Variants in ADGRL2 observed in about 807,000 individuals in gnomAD.
ADGRL2 encodes calcium-independent alpha-latrotoxin receptor 2.
In ADGRL2, 44 loss-of-function variants were observed where a neutral mutation model predicts 157.4. The ratio of observed to expected loss-of-function variants is 0.28; its 90% CI spans 0.22 to 0.36. The LOEUF (loss-of-function observed/expected upper bound fraction) is 0.36. Ranked by LOEUF, ADGRL2 falls within the 10% of genes least tolerant of loss-of-function variation. ADGRL2 has a pLI of 1.00. For missense variants in ADGRL2, 1,510 were observed against 1,768.9 expected, an observed-to-expected ratio of 0.85 and a Z score of 2.63; for synonymous variants, 585 against 624.7, an observed-to-expected ratio of 0.94 and a Z score of 0.95.
chr1:81,426,104 A>G (rs1162695242), intron 1 of ADGRL2, among the ~76,000 whole-genome samples: 2 of 152,222 alleles, frequency 1.3e-5, no homozygotes, highest in Non-Finnish European at 2.9e-5. Context: ...CCCAAGGAAA[A>G]CAGCGTATTT....
intron 1 of ADGRL2, among the ~76,000 whole-genome samples, chr1:81,703,251 G>A (rs1234555482): frequency 1.3e-5 from 2 of 152,316 alleles, no homozygotes; most frequent in Admixed American, 6.5e-5. Flanking sequence ...AAAGTGAAGC[G>A]GGAGAAGTAA....
At chr1:81,972,643 G>T (rs987623566) in intron 17 of ADGRL2, among the ~76,000 whole-genome samples, 1 of 152,076 alleles carries the variant, frequency 6.6e-6, no homozygotes, top group Admixed American at 6.5e-5. Flanking sequence ...GGACATGGTG[G>T]CTCACACCTA....
chr1:81,869,715 AT>A (rs534865106), intron 2 of ADGRL2, among the ~76,000 whole-genome samples: 2,848 of 152,028 alleles, frequency 0.019, 78 homozygotes, highest in African/African-American at 0.065. Context: ...TAAAAAAAAA[AT>A]ATAATTTGTG....
At chr1:81,411,946 G>C (rs917836549) in intron 1 of ADGRL2, among the ~76,000 whole-genome samples, 7 of 151,460 alleles carry the variant, frequency 4.6e-5, no homozygotes, top group Admixed American at 2.0e-4. Flanking sequence ...AATGTAGTAA[G>C]TCTCAGATTC....
chr1:81,837,927 C>T (rs1439245941), intron 2 of ADGRL2, among the ~76,000 whole-genome samples: 1 of 151,762 alleles, frequency 6.6e-6, no homozygotes, highest in African/African-American at 2.4e-5. Flanking sequence ...ATGTATTAAT[C>T]TTGTAAAGTT....
At chr1:81,336,671 A>T (rs1661662640) in intron 1 of ADGRL2, among the ~76,000 whole-genome samples, 1 of 152,272 alleles carries the variant, frequency 6.6e-6, no homozygotes, top group Middle Eastern at 3.4e-3. Context: ...TGGATGGCCT[A>T]ATCCTCCTCT....
intron 1 of ADGRL2, among the ~76,000 whole-genome samples, chr1:81,380,444 A>C (rs6695153): frequency 0.93 from 141,940 of 152,238 alleles, 66,457 homozygotes; most frequent in East Asian, 1. Flanking sequence ...TGTCTTCTAA[A>C]CAAAGATCTA....
At chr1:81,844,448 C>T (rs1028164316) in intron 2 of ADGRL2, among the ~76,000 whole-genome samples, 1 of 152,278 alleles carries the variant, frequency 6.6e-6, no homozygotes. Context: ...AGTGATTGAA[C>T]ACATCTGAAG....
chr1:81,863,920 C>A (rs948457326), intron 2 of ADGRL2, among the ~76,000 whole-genome samples: 5 of 152,110 alleles, frequency 3.3e-5, no homozygotes, highest in African/African-American at 1.2e-4. Context: ...TAGATACTTT[C>A]TTTTTCAGCA....
rs527646737 is a variant in ADGRL2 at position 81,314,116 on chromosome 1, G to A, written c.-302+7607G>A. ...AGATATAGCAATCTGACAACCCCCT[G>A]GTGTTAATCATGAAAGTACATGCTT... On this transcript the variant is annotated intron_variant, in intron 1 of 24. Transcript: ENST00000370721. Among the ~76,000 whole-genome samples the A allele has an allele frequency of 2.6e-5, 4 of 152,224 alleles. No individual in the cohort carries two copies. In the South Asian group the frequency reaches 8.3e-4, roughly 32 times the overall value.
chr1:81,770,534 C>T (rs569025511), intron 2 of ADGRL2, among the ~76,000 whole-genome samples: 3 of 151,478 alleles, frequency 2.0e-5, no homozygotes, highest in Non-Finnish European at 2.9e-5. Flanking sequence ...AGTCCAATGG[C>T]GCGATCTTGG....
intron 3 of ADGRL2, among the ~76,000 whole-genome samples, chr1:81,651,191 C>A (rs1018754227): frequency 6.6e-6 from 1 of 151,684 alleles, no homozygotes; most frequent in African/African-American, 2.4e-5. Context: ...AATTGTTGGT[C>A]GTAGAAAAGG....
At chr1:81,959,723 A>G (rs932602216) in intron 11 of ADGRL2, among the ~76,000 whole-genome samples, 5 of 152,166 alleles carry the variant, frequency 3.3e-5, no homozygotes, top group Non-Finnish European at 5.9e-5. Flanking sequence ...GTGTGTTCAC[A>G]TTTTCATAAA....
chr1:81,795,966 G>A (rs1329281325), upstream of ADGRL2, among the ~76,000 whole-genome samples: 1 of 150,930 alleles, frequency 6.6e-6, no homozygotes, highest in East Asian at 1.9e-4. Context: ...GGGATCAGGA[G>A]GTATTTTATT....
Position 81,959,149 on chromosome 1 carries a change from C to T in ADGRL2, c.2017+3089C>T, listed in dbSNP as rs191469404. Among the ~76,000 whole-genome samples the T allele has an allele frequency of 3.7e-3, 571 of 152,280 alleles. 6 individuals carry two copies. The highest frequency in any genetic ancestry group is 3.9e-3 in the South Asian group (19 of 4,822). Reference sequence around the variant, plus strand: ...CTGTAGCATATGAGAGTTCCAGTTGCTCCACATCCTCACCAATATTTAGGA... The same window carrying T: ...CTGTAGCATATGAGAGTTCCAGTTGTTCCACATCCTCACCAATATTTAGGA... On this transcript the variant is annotated intron_variant, in intron 11 of 23. Coordinates refer to ENST00000686636, the MANE Select transcript of ADGRL2 (RefSeq NM_001366006.2).
At chr1:81,518,381 A>G (rs990086601) in intron 2 of ADGRL2, among the ~76,000 whole-genome samples, 3 of 152,148 alleles carry the variant, frequency 2.0e-5, no homozygotes, top group African/African-American at 4.8e-5. Context: ...AACTAGCCCA[A>G]CCTGTGCCTG....
At chr1:81,522,392 G>C (rs532667918) in intron 2 of ADGRL2, among the ~76,000 whole-genome samples, 2 of 152,306 alleles carry the variant, frequency 1.3e-5, no homozygotes, top group East Asian at 3.9e-4. Context: ...AGTGATTAAG[G>C]AATATATTGA....
intron 11 of ADGRL2, among the ~76,000 whole-genome samples, chr1:81,961,633 G>A (rs759129488): frequency 3.1e-4 from 47 of 150,548 alleles, no homozygotes; most frequent in Non-Finnish European, 5.0e-4. Context: ...TCAGCCTCCT[G>A]AGTAGCTGAG....
At chr1:81,928,691 A>G (rs1014929199) in intron 3 of ADGRL2, among the ~76,000 whole-genome samples, 15 of 152,224 alleles carry the variant, frequency 9.9e-5, no homozygotes, top group Admixed American at 2.0e-4. Flanking sequence ...TCATATTGCA[A>G]TAGTTCGTCT....
Sources: allele counts gnomAD v4.1 joint callset (sites outside exome capture counted in the v4.1 genomes callset), GRCh38; gene constraint gnomAD v4.1.1; transcripts MANE v1.5; gene names NCBI Gene and HGNC (gene_info 2026-07-23, HGNC 2026-07-21).